PLD1: variants seen among roughly 807,000 people sequenced by gnomAD.
The protein encoded by PLD1 is choline phosphatase 1.
In PLD1, 112 loss-of-function variants were observed where a neutral mutation model predicts 137.1. The ratio of observed to expected loss-of-function variants is 0.82; its 90% confidence interval spans 0.70 to 0.96. The LOEUF is 0.96. Ranked by LOEUF, PLD1 falls within the 40% of genes least tolerant of loss-of-function variation. The probability of loss-of-function intolerance (pLI) is 0.00; values close to 1 mark genes in which losing one functional copy is unlikely to be tolerated. For missense variants in PLD1, 1,321 were observed against 1,342.0 expected (o/e 0.98, Z 0.24); for synonymous variants, 431 against 454.7 (o/e 0.95, Z 0.66).
intron 1 of PLD1, among the ~76,000 whole-genome samples, chr3:171,741,494 T>C (rs1282240361): frequency 1.3e-5 from 2 of 152,248 alleles, no homozygotes; most frequent in Non-Finnish European, 2.9e-5. Context: ...GCACAGCCTA[T>C]ATTAGCCAGC....
intron 12 of PLD1, among the ~76,000 whole-genome samples, chr3:171,699,232 T>G (rs1716034015): frequency 6.6e-6 from 1 of 152,150 alleles, no homozygotes; most frequent in Admixed American, 6.5e-5. Flanking sequence ...CAGGGTCAAC[T>G]CCACAGGAAA....
chr3:171,643,472 C>A (rs1735944767), intron 22 of PLD1, among the ~76,000 whole-genome samples: 2 of 151,862 alleles, frequency 1.3e-5, no homozygotes, highest in Non-Finnish European at 2.9e-5. Context: ...TCTGCTTGCT[C>A]TATGAGAGTA....
At chr3:171,664,459 A>ATT (rs201782822) in intron 19 of PLD1, among the ~76,000 whole-genome samples, 130 of 142,470 alleles carry the variant, frequency 9.1e-4, no homozygotes, top group Non-Finnish European at 1.3e-3. Flanking sequence ...AACCTCCAGG[A>ATT]TTTTTTTTTT....
rs1216803805 is a variant in PLD1, at chr3:171,675,868, A to T, written c.2115+847T>A. Among the ~76,000 whole-genome samples, 14 of 146,548 alleles carry T rather than the reference A, an allele frequency of 9.6e-5. No homozygotes were observed. The Admixed American group carries it at 9.6e-4, about 10-fold the overall frequency. On this transcript the variant is annotated intron_variant, in intron 18 of 26. Transcript: ENST00000351298. ...CTTTTTTTTTTTTTTTTTGAGACAG[A>T]GTCTCGCTCTGTTGCCTAGGCTGGA...
chr3:171,618,720 A>ACG (rs1733325767), intron 24 of PLD1, among the ~76,000 whole-genome samples: 1 of 140,658 alleles, frequency 7.1e-6, no homozygotes, highest in Non-Finnish European at 1.6e-5. Context: ...AAAAGTGTGT[A>ACG]TGTGTGTGTG....
Position 171,687,440 on chromosome 3 carries a change from G to T in PLD1, c.1684C>A (p.Leu562Ile), listed in dbSNP as rs1370854254. Reference protein sequence around the residue: ...GKPRKFSKFSLYKQLHRHHLH... With the variant: ...GKPRKFSKFSIYKQLHRHHLH... ...TGGTGCCTGTGGAGCTGCTTGTAGA[G>T]ACTAAATTTGGAGAACTTTCTTGGC... Residue 562 changes from leucine to isoleucine, a missense_variant, in exon 15 of 27, where the codon CTC becomes ATC. By Grantham distance (5) the Leu-to-Ile change is conservative (BLOSUM62 2). Coordinates refer to ENST00000351298, the MANE Select transcript of PLD1 (RefSeq NM_002662.5). 3 of 1,613,952 alleles carry T rather than the reference G, an allele frequency of 1.9e-6. No homozygotes were observed. The African/African-American group carries it at 4.0e-5, about 22-fold the overall frequency.
intron 8 of PLD1, among the ~76,000 whole-genome samples, chr3:171,716,451 T>C (rs1206967586): frequency 6.6e-6 from 1 of 152,256 alleles, no homozygotes; most frequent in Non-Finnish European, 1.5e-5. Context: ...TGTGAGATGA[T>C]ATCTCATTGT....
At chr3:171,733,120 A>T (rs1719074256) in intron 6 of PLD1, among the ~76,000 whole-genome samples, 1 of 152,186 alleles carries the variant, frequency 6.6e-6, no homozygotes. Flanking sequence ...GTAGCTAAAA[A>T]ATGCTTTTTG....
intron 19 of PLD1, among the ~76,000 whole-genome samples, chr3:171,672,672 G>C (rs1325581552): frequency 6.6e-6 from 1 of 151,704 alleles, no homozygotes; most frequent in African/African-American, 2.4e-5. Flanking sequence ...AGAACTTTTT[G>C]TAGAGATGGG....
intron 23 of PLD1, among the ~76,000 whole-genome samples, chr3:171,626,839 G>C (rs1282684042): frequency 6.6e-6 from 1 of 152,170 alleles, no homozygotes; most frequent in South Asian, 2.1e-4. Context: ...CCCTAAAAGA[G>C]CTCCTGAAGG....
At chr3:171,804,094 C>A (rs1723750413) in intron 1 of PLD1, among the ~76,000 whole-genome samples, 1 of 152,002 alleles carries the variant, frequency 6.6e-6, no homozygotes, top group Admixed American at 6.6e-5. Flanking sequence ...CTATTCTTAG[C>A]CCCTTTGGTT....
rs199960634 is a variant in PLD1, at chr3:171,688,771, G to C, written c.1444C>G (p.Leu482Val). ...TTGTCGTCCCACCTTCCATAGGCCAGGTCAATCCCTCCCACAAAGGCCACC... is the reference window on the plus strand; with the variant it reads ...TTGTCGTCCCACCTTCCATAGGCCACGTCAATCCCTCCCACAAAGGCCACC... ...QSVAFVGGID[L>V]AYGRWDDNEH... Residue 482 changes from leucine (L) to valine (V), a missense_variant, in exon 14 of 27, where the codon CTG becomes GTG. Transcript: ENST00000351298. 1 of 1,614,030 alleles carries C rather than the reference G, an allele frequency of 6.2e-7. No homozygotes were observed.
At chr3:171,683,399 C>T (rs1714212161) in intron 16 of PLD1, among the ~76,000 whole-genome samples, 3 of 152,152 alleles carry the variant, frequency 2.0e-5, no homozygotes. Flanking sequence ...ACATAACCCA[C>T]CCCAGCCCAC....
chr3:171,751,618 C>A (rs978877180), intron 1 of PLD1, among the ~76,000 whole-genome samples: 1 of 152,114 alleles, frequency 6.6e-6, no homozygotes, highest in African/African-American at 2.4e-5. Flanking sequence ...TTCATTGGAT[C>A]GGAAAATTTT....
chr3:171,768,054 T>C (rs1722098514), intron 1 of PLD1, among the ~76,000 whole-genome samples: 1 of 151,984 alleles, frequency 6.6e-6, no homozygotes, highest in Non-Finnish European at 1.5e-5. Flanking sequence ...ATTCTACCAC[T>C]TCTGCTATGA....
intron 6 of PLD1, among the ~76,000 whole-genome samples, chr3:171,727,693 G>C (rs1718637853): frequency 6.6e-6 from 1 of 152,046 alleles, no homozygotes; most frequent in Non-Finnish European, 1.5e-5. Context: ...GAATAGTGGA[G>C]GGCAACCACT....
In PLD1 at chr3:171,709,655, A is replaced by T; in HGVS notation, c.966T>A (p.Ala322=). The change falls in exon 10 of 27, where the codon GCT becomes GCA. Residue 322 remains alanine, a synonymous_variant. Transcript: ENST00000351298. ...SYRHARWWGG[A]IEEFIQKHGT... ...CATGTTTCTGGATGAATTCTTCTAT[A>T]GCCCCTCCCCACCACCGAGCATGTC... 1 of 1,614,076 alleles carries T rather than the reference A, an allele frequency of 6.2e-7. No individual in the cohort carries two copies. The highest frequency in any genetic ancestry group is 8.5e-7 in the Non-Finnish European group (1 of 1,179,924).
chr3:171,608,989 C>A (rs912203205), intron 25 of PLD1, among the ~76,000 whole-genome samples: 1 of 151,912 alleles, frequency 6.6e-6, no homozygotes, highest in Non-Finnish European at 1.5e-5. Flanking sequence ...ACACATATGA[C>A]AAAGGAATAA....
At chr3:171,800,191 A>G (rs1255387214) in intron 1 of PLD1, among the ~76,000 whole-genome samples, 1 of 152,048 alleles carries the variant, frequency 6.6e-6, no homozygotes, top group East Asian at 1.9e-4. Flanking sequence ...TAAAACAAAC[A>G]TAATTTTTAC....
Sources: allele counts gnomAD v4.1 joint callset (sites outside exome capture counted in the v4.1 genomes callset), GRCh38; gene constraint gnomAD v4.1.1; transcripts MANE v1.5; gene names NCBI Gene and HGNC (gene_info 2026-07-23, HGNC 2026-07-21).